Variants in POU2AF2 observed in about 807,000 individuals in gnomAD.
POU2AF2 encodes POU domain class 2-associating factor 2.
the POU2AF2 span, among the ~76,000 whole-genome samples, chr11:111,280,327 A>C: frequency 6.6e-6 from 1 of 152,116 alleles, no homozygotes; most frequent in Non-Finnish European, 1.5e-5. Flanking sequence ...GAAGCCAAAC[A>C]CTAAGTGCAT....
At chr11:111,271,437 T>C in the POU2AF2 span, among the ~76,000 whole-genome samples, 1 of 152,266 alleles carries the variant, frequency 6.6e-6, no homozygotes, top group South Asian at 2.1e-4. Context: ...TTCTTTTTTT[T>C]CTGAGACAAG....
the POU2AF2 span, chr11:111,284,107 CAGA>C: frequency 7.4e-6 from 12 of 1,614,072 alleles, no homozygotes; most frequent in Admixed American, 2.0e-4. Flanking sequence ...ACTACGGTGT[CAGA>C]AGATCTTTCT....
the POU2AF2 span, among the ~76,000 whole-genome samples, chr11:111,263,563 G>A: frequency 6.6e-6 from 1 of 151,154 alleles, no homozygotes; most frequent in South Asian, 2.1e-4. Context: ...CTCCTGAGTA[G>A]CTGGGAATAC....
the POU2AF2 span, among the ~76,000 whole-genome samples, chr11:111,251,031 G>A: frequency 6.6e-6 from 1 of 152,128 alleles, no homozygotes; most frequent in South Asian, 2.1e-4. Context: ...GCAGATCAGG[G>A]ACACAATTGA....
chr11:111,284,129 T>C, the POU2AF2 span: 2 of 1,614,098 alleles, frequency 1.2e-6, no homozygotes, highest in Non-Finnish European at 1.7e-6. Flanking sequence ...CTTATCTGAC[T>C]CAGACTTCCA....
At chr11:111,246,429 T>G in the POU2AF2 span, among the ~76,000 whole-genome samples, 2 of 152,178 alleles carry the variant, frequency 1.3e-5, no homozygotes, top group Admixed American at 6.5e-5. Context: ...GATACAAATG[T>G]GAATAGTCAA....
At chr11:111,270,089 A>C in the POU2AF2 span, among the ~76,000 whole-genome samples, 1 of 152,218 alleles carries the variant, frequency 6.6e-6, no homozygotes. Flanking sequence ...TGAAAAGCAG[A>C]AGCTCACTGA....
the POU2AF2 span, among the ~76,000 whole-genome samples, chr11:111,252,627 A>C: frequency 6.6e-6 from 1 of 151,836 alleles, no homozygotes; most frequent in Non-Finnish European, 1.5e-5. Context: ...TCAGAAGTTG[A>C]GGGTCAATTT....
the POU2AF2 span, among the ~76,000 whole-genome samples, chr11:111,279,998 G>A: frequency 7.0e-6 from 1 of 142,392 alleles, no homozygotes; most frequent in Non-Finnish European, 1.5e-5. Context: ...CCGAGATCGT[G>A]CCATTGCACT....
chr11:111,264,577 G>GAAAGAAA, the POU2AF2 span, among the ~76,000 whole-genome samples: 277 of 22,950 alleles, frequency 0.012, 70 homozygotes, highest in South Asian at 0.046. Flanking sequence ...AGAAAGAAAG[G>GAAAGAAA]GAGAGAGAAA....
At chr11:111,284,272 C>T in the POU2AF2 span, 3 of 1,613,948 alleles carry the variant, frequency 1.9e-6, no homozygotes, top group South Asian at 2.2e-5. Flanking sequence ...ACGGAGACTA[C>T]CGGCCTCCGG....
At chr11:111,264,552 G>GAA in the POU2AF2 span, among the ~76,000 whole-genome samples, 2 of 64,608 alleles carry the variant, frequency 3.1e-5, 1 homozygote, top group African/African-American at 1.1e-4. Context: ...AAGAAAGAAA[G>GAA]AAAGAAAGAA....
At chr11:111,249,376 G>A in the POU2AF2 span, among the ~76,000 whole-genome samples, 1 of 152,100 alleles carries the variant, frequency 6.6e-6, no homozygotes, top group African/African-American at 2.4e-5. Flanking sequence ...AAAAACATGA[G>A]GAATACTCAG....
chr11:111,280,056 AAATATAT>A, the POU2AF2 span, among the ~76,000 whole-genome samples: 4 of 77,412 alleles, frequency 5.2e-5, no homozygotes, highest in Admixed American at 3.4e-4. Flanking sequence ...AAAAAAAAAA[AAATATAT>A]ATATATATAT....
chr11:111,285,214 C>G, the POU2AF2 span, among the ~76,000 whole-genome samples: 1 of 152,126 alleles, frequency 6.6e-6, no homozygotes, highest in Non-Finnish European at 1.5e-5. Flanking sequence ...GTGGGCTTCT[C>G]AGTCCCCTCA....
At chr11:111,273,885 C>T in the POU2AF2 span, among the ~76,000 whole-genome samples, 4 of 152,118 alleles carry the variant, frequency 2.6e-5, no homozygotes, top group African/African-American at 9.7e-5. Context: ...CAAATATAAA[C>T]CTCTAAATTT....
At chr11:111,258,960 C>T in the POU2AF2 span, among the ~76,000 whole-genome samples, 2 of 152,144 alleles carry the variant, frequency 1.3e-5, no homozygotes, top group Non-Finnish European at 2.9e-5. Flanking sequence ...ACAAGAAACA[C>T]ATGTAATATA....
chr11:111,285,763 G>A, the POU2AF2 span: 1 of 1,613,210 alleles, frequency 6.2e-7, no homozygotes, highest in Non-Finnish European at 8.5e-7. Context: ...CCCAGCTTGA[G>A]TCCGGGAGCA....
chr11:111,255,890 G>T, the POU2AF2 span: 34 of 397,426 alleles, frequency 8.6e-5, no homozygotes, highest in Non-Finnish European at 1.3e-4. Flanking sequence ...TCAAGAAAAT[G>T]ACATCACAAT....
Sources: allele counts gnomAD v4.1 joint callset (sites outside exome capture counted in the v4.1 genomes callset), GRCh38; gene constraint gnomAD v4.1.1; transcripts MANE v1.5; gene names NCBI Gene and HGNC (gene_info 2026-07-23, HGNC 2026-07-21).